DVL1: variants seen among roughly 807,000 people sequenced by gnomAD.
DVL1 encodes the protein dishevelled segment polarity protein 1, also known as segment polarity protein dishevelled homolog DVL-1.
A neutral mutation model predicts 65.0 loss-of-function variants in DVL1; 49 were observed. The ratio of observed to expected loss-of-function variants is 0.75; its 90% CI spans 0.60 to 0.96. The LOEUF (loss-of-function observed/expected upper bound fraction) is 0.96. DVL1 is among the 40% of genes least tolerant of loss of function. The pLI, the probability that DVL1 is intolerant of heterozygous loss-of-function variation, is 0.00. For missense variants in DVL1, 1,197 were observed against 1,045.4 expected (o/e 1.15, Z -2.00); for synonymous variants, 608 against 433.9 (o/e 1.40, Z -4.99).
At chr1:1,343,713 G>A (rs1040516250) in intron 1 of DVL1, among the ~76,000 whole-genome samples, 5 of 152,000 alleles carry the variant, frequency 3.3e-5, no homozygotes, top group South Asian at 2.1e-4. Flanking sequence ...TCTCAGACCC[G>A]ACGGACGGAC....
chr1:1,340,430 G>GC lies in DVL1; in HGVS notation c.678dup (p.Arg227AlafsTer66). On this transcript the variant is annotated frameshift_variant, in exon 6 of 15. Transcript: ENST00000378888. LOFTEE classifies it high-confidence loss of function. ...CCTACCCGGTCCGCCTGCCGAAGGC[G>GC]CTGCTTCCTCCGCCGGCGTTTGTGC... 1 of 1,612,332 alleles carries GC rather than the reference G, an allele frequency of 6.2e-7. No individual in the cohort carries two copies.
At chr1:1,338,229 T>TA in intron 13 of DVL1, 40 bp downstream of exon 13, 4 of 1,522,362 alleles carry the variant, frequency 2.6e-6, no homozygotes, top group African/African-American at 1.4e-5. Context: ...CCTCCGGCGT[T>TA]CCCCTCCCCC....
Position 1,338,100 on chromosome 1 carries a change from G to C in DVL1, c.1591C>G (p.Pro531Ala), listed in dbSNP as rs751211931. ...GGGTAGCCCTGACCCAGAGGCCAGG[G>C]GGCAGCCGGGTGGGGCAGCGGGGCC... ...TLAPLPHPAAPWPLGQGYPYQ... is the reference protein window; with the variant it reads ...TLAPLPHPAAAWPLGQGYPYQ... The change falls in exon 14 of 15, where the codon CCC becomes GCC. Residue 531 changes from proline (P) to alanine (A), a missense_variant. By Grantham distance (27) the Pro-to-Ala change is conservative (BLOSUM62 -1). Transcript: ENST00000378888. 6.2e-7 allele frequency: 1 copy of C among 1,610,118 alleles called. No individual in the cohort carries two copies. The highest frequency in any genetic ancestry group is 8.5e-7 in the Non-Finnish European group (1 of 1,178,860).
At chr1:1,338,457 G>T (rs1643667432) in intron 12 of DVL1, 21 bp from the exon 13 acceptor site, 1 of 1,608,852 alleles carries the variant, frequency 6.2e-7, no homozygotes, top group Non-Finnish European at 8.5e-7. Context: ...CCAGCGGTCA[G>T]CCCGCAGCCT....
chr1:1,337,684 G>A lies in DVL1; in HGVS notation c.1714+293C>T, dbSNP rs1405611983. The A allele has an allele frequency of 1.0e-5, 6 of 600,098 alleles. No homozygotes were observed. In the Admixed American group the frequency reaches 1.4e-4, roughly 14 times the overall value. 37.2% of individuals were successfully genotyped at this position (600,098 alleles called of 1,614,324 possible). A position where few individuals can be genotyped will look rare whatever the true frequency, so the allele number is the denominator to read the frequency against. On this transcript the variant is annotated intron_variant, in intron 14 of 14. Coordinates refer to ENST00000378888, the MANE Select transcript of DVL1 (RefSeq NM_001330311.2). Reference sequence around the variant, plus strand: ...CTCATCCCAATCCCACCCAGATGAGGTGGGGTCCAGGCTGCCCCTGTGTGA... The same window carrying A: ...CTCATCCCAATCCCACCCAGATGAGATGGGGTCCAGGCTGCCCCTGTGTGA...
intron 5 of DVL1, among the ~76,000 whole-genome samples, chr1:1,340,712 G>A (rs1643771337): frequency 6.6e-6 from 1 of 152,130 alleles, no homozygotes; most frequent in Non-Finnish European, 1.5e-5. Flanking sequence ...ACTGGGCACA[G>A]ACACATGTAG....
chr1:1,340,131 GTC>G lies in DVL1; in HGVS notation c.814_815del (p.Asp272ProfsTer20). ...CAATGTAGATGCCGCCGTCTCCACG[GTC>G]GTTGCTCTGCCCCACGATGCTGATG... ...LGISIVGQSNDRGDGGIYIGS... is the reference protein window; with the variant it reads ...LGISIVGQSNXRGDGGIYIGS... On this transcript the variant is annotated frameshift_variant, in exon 8 of 15. Coordinates refer to ENST00000378888, the MANE Select transcript of DVL1 (RefSeq NM_001330311.2). LOFTEE classifies it high-confidence loss of function. 1 of 1,613,700 alleles carries G rather than the reference GTC, an allele frequency of 6.2e-7. No individual in the cohort carries two copies.
chr1:1,342,026 A>G (rs1303608229), intron 4 of DVL1, 27 bp downstream of exon 4: 3 of 1,534,848 alleles, frequency 2.0e-6, no homozygotes, highest in Non-Finnish European at 2.6e-6. Context: ...CTGGGGGTCC[A>G]CAGCTGGGCA....
In DVL1 at chr1:1,339,625, C is replaced by T. The variant is rs201992207; in HGVS notation, c.1011G>A (p.Lys337=). 6.2e-7 allele frequency: 1 copy of T among 1,609,104 alleles called. No individual in the cohort carries two copies. Among genetic ancestry groups the T allele is most frequent in the East Asian group, 2.2e-5 (1 of 44,774 alleles). ...QTGPISLTVA[K]CWDPTPRSYF... Reference sequence around the variant, plus strand: ...AGCTTCGGGGCGTTGGGTCCCAGCACTTGGCCACAGTGAGGCTGATGGGCC... The same window carrying T: ...AGCTTCGGGGCGTTGGGTCCCAGCATTTGGCCACAGTGAGGCTGATGGGCC... Residue 337 remains lysine (K), a synonymous_variant, in exon 10 of 15, where the codon AAG becomes AAA. Transcript: ENST00000378888.
At chr1:1,348,080 C>A (rs1380748192) in intron 1 of DVL1, among the ~76,000 whole-genome samples, 1 of 152,206 alleles carries the variant, frequency 6.6e-6, no homozygotes, top group East Asian at 1.9e-4. Flanking sequence ...TGAGCCCGCC[C>A]CCAGCACTGT....
chr1:1,342,538 C>T lies in DVL1; in HGVS notation c.241-54G>A, dbSNP rs575004908. The T allele has an allele frequency of 1.5e-4, 237 of 1,589,148 alleles. 1 individual carries two copies. The African/African-American group carries it at 2.8e-3, about 19-fold the overall frequency. ...AGCCCACCCGCCTTCAGGACGCCTC[C>T]TCAGGGCACCCAGGGAACAGGGGGC... is the stretch of plus-strand genomic sequence containing the variant. On this transcript the variant is annotated intron_variant, in intron 2 of 14. Coordinates refer to ENST00000378888, the MANE Select transcript of DVL1 (RefSeq NM_001330311.2).
At chr1:1,345,090 G>A (rs1005687603) in intron 1 of DVL1, among the ~76,000 whole-genome samples, 2 of 152,192 alleles carry the variant, frequency 1.3e-5, no homozygotes, top group Admixed American at 6.5e-5. Flanking sequence ...TGGCTCCACC[G>A]GAAGAGGGCC....
Position 1,340,488 on chromosome 1 carries a change from C to T in DVL1, c.621G>A (p.Thr207=), listed in dbSNP as rs112329571. Residue 207 remains threonine (T), a synonymous_variant, in exon 6 of 15, where the codon ACG becomes ACA. Coordinates refer to ENST00000378888, the MANE Select transcript of DVL1 (RefSeq NM_001330311.2). ...DGSTSRLSSS[T]EQSTSSRLIR... Reference sequence around the variant, plus strand: ...TGAGTCTGGATGAGGTGCTCTGCTCCGTGGAGCTGCTGAGCCTGGGAACAG... The same window carrying T: ...TGAGTCTGGATGAGGTGCTCTGCTCTGTGGAGCTGCTGAGCCTGGGAACAG... 1.9e-5 allele frequency: 30 copies of T among 1,606,728 alleles called. No homozygotes were observed. Among genetic ancestry groups the T allele is most frequent in the African/African-American group, 8.0e-5 (6 of 75,012 alleles).
rs1643839589 is a variant in DVL1, at chr1:1,341,760, A to C, written c.512T>G (p.Val171Gly). The change falls in exon 5 of 15, where the codon GTG becomes GGG. Residue 171 changes from valine (V) to glycine (G), a missense_variant. By Grantham distance (109) the Val-to-Gly change is moderately radical (BLOSUM62 -3). Transcript: ENST00000378888. ...GHPRGDRRRD[V>G]GLPPDSASTA... ...GGACGCGCTGTCTGGGGGCAGCCCCACATCCCGCCGTCGGTCTCCCCTTGG... is the reference window on the plus strand; with the variant it reads ...GGACGCGCTGTCTGGGGGCAGCCCCCCATCCCGCCGTCGGTCTCCCCTTGG... The C allele has an allele frequency of 6.2e-7, 1 of 1,605,686 alleles. No individual in the cohort carries two copies. The highest frequency in any genetic ancestry group is 1.3e-5 in the African/African-American group (1 of 74,844).
At chr1:1,346,242 C>A (rs2765034) in intron 1 of DVL1, among the ~76,000 whole-genome samples, 11 of 152,186 alleles carry the variant, frequency 7.2e-5, no homozygotes, top group African/African-American at 2.7e-4. Flanking sequence ...CCATGGCAGG[C>A]GGCCCTGGGG....
intron 14 of DVL1, 103 bp downstream of exon 14, chr1:1,337,874 G>T: frequency 1.1e-6 from 1 of 894,740 alleles, no homozygotes; most frequent in East Asian, 2.6e-5. Context: ...AGCTGGGGGT[G>T]GAGCAGCAGC....
chr1:1,348,752 A>T, intron 1 of DVL1, 144 bp downstream of exon 1: 1 of 654,078 alleles, frequency 1.5e-6, no homozygotes, highest in Non-Finnish European at 2.0e-6. Context: ...CGAGGCCGCC[A>T]CCCGCGCCGC....
rs747065422 is a variant in DVL1 at position 1,339,237 on chromosome 1, C to A, written c.1207+50G>T. 3 of 1,546,636 alleles carry A rather than the reference C, an allele frequency of 1.9e-6. No homozygotes were observed. In the African/African-American group the frequency reaches 4.1e-5, roughly 21 times the overall value. On this transcript the variant is annotated intron_variant, in intron 11 of 14. Transcript: ENST00000378888. Reference sequence around the variant, plus strand: ...GCCATGCTGGAGGCTGGCAGAGACGCCCCCTCCAAGCCTCGGTTTCTGCTG... The same window carrying A: ...GCCATGCTGGAGGCTGGCAGAGACGACCCCTCCAAGCCTCGGTTTCTGCTG...
chr1:1,349,136 C>T lies in DVL1; in HGVS notation c.-71G>A. 4.4e-6 allele frequency: 4 copies of T among 909,082 alleles called. No homozygotes were observed. Among genetic ancestry groups the T allele is most frequent in the Non-Finnish European group, 5.3e-6 (4 of 759,878 alleles). The allele number at this position is 909,082 out of a possible 1,614,324, so 56.3% of individuals were successfully genotyped here. A position where few individuals can be genotyped will look rare whatever the true frequency, so the allele number is the denominator to read the frequency against. On this transcript the variant is annotated 5_prime_UTR_variant, in exon 1 of 15. Transcript: ENST00000378888. This position sits in a 1 kb window ranked among gnomAD's most constrained non-coding sequence, Gnocchi z 4.1. ...GGCTCGGACGCGGGGCGCTACCCGC[C>T]CGCCCGCCTGCGCCCCGCCCGGCCC...
Sources: allele counts gnomAD v4.1 joint callset (sites outside exome capture counted in the v4.1 genomes callset), GRCh38; gene constraint gnomAD v4.1.1; non-coding constraint Gnocchi (gnomAD v3.1); transcripts MANE v1.5; gene names NCBI Gene and HGNC (gene_info 2026-07-23, HGNC 2026-07-21).